SLC24A4: variants seen among roughly 807,000 people sequenced by gnomAD.
SLC24A4 encodes sodium/potassium/calcium exchanger 4.
Under a neutral mutation model 79.0 loss-of-function variants are expected in SLC24A4, and 53 were observed. The observed-to-expected ratio is 0.67, with a 90% confidence interval of 0.54 to 0.84. The LOEUF (loss-of-function observed/expected upper bound fraction) is 0.84, where lower values mean the gene tolerates loss of function less well. SLC24A4 is among the 40% of genes least tolerant of loss of function. The pLI is 0.00. For missense variants in SLC24A4, 731 were observed against 822.0 expected, an observed-to-expected ratio of 0.89 and a Z score of 1.35; for synonymous variants, 323 against 323.8, an observed-to-expected ratio of 1.00 and a Z score of 0.03.
intron 12 of SLC24A4, among the ~76,000 whole-genome samples, chr14:92,465,762 G>A (rs776216365): frequency 2.0e-5 from 3 of 152,064 alleles, no homozygotes; most frequent in Non-Finnish European, 4.4e-5. Flanking sequence ...ACCCCCGAGA[G>A]CTCTCCAGGC....
At chr14:92,418,358 G>A (rs1376471419) in intron 2 of SLC24A4, among the ~76,000 whole-genome samples, 1 of 152,072 alleles carries the variant, frequency 6.6e-6, no homozygotes. Context: ...CCCATCTTGG[G>A]GCAGCTGTGG....
chr14:92,336,040 A>G (rs1056564731), intron 2 of SLC24A4, among the ~76,000 whole-genome samples: 2 of 152,050 alleles, frequency 1.3e-5, no homozygotes, highest in African/African-American at 4.8e-5. Flanking sequence ...TCTGCTTGCC[A>G]TCTCTTCTCT....
intron 12 of SLC24A4, among the ~76,000 whole-genome samples, chr14:92,461,847 T>C (rs1244752441): frequency 6.6e-6 from 1 of 152,124 alleles, no homozygotes; most frequent in African/African-American, 2.4e-5. Context: ...GCTTATTATC[T>C]CCACTTTACA....
chr14:92,376,779 C>A (rs188612439), intron 2 of SLC24A4, among the ~76,000 whole-genome samples: 1 of 152,202 alleles, frequency 6.6e-6, no homozygotes, highest in Non-Finnish European at 1.5e-5. Context: ...AGTCACCTCA[C>A]TGAGAACAAT....
chr14:92,361,835 C>T (rs191040203), intron 2 of SLC24A4, among the ~76,000 whole-genome samples: 1 of 152,148 alleles, frequency 6.6e-6, no homozygotes, highest in African/African-American at 2.4e-5. Flanking sequence ...CTCCATGAAT[C>T]CTCCAGAGAG....
rs1460263828 is a variant in SLC24A4, at chr14:92,355,871, T to C, written c.241+29893T>C. On this transcript the variant is annotated intron_variant, in intron 2 of 16. Coordinates refer to ENST00000532405, the MANE Select transcript of SLC24A4 (RefSeq NM_153646.4). ...GCTCGTGCTCTCCCTTGTTGCTTTC[T>C]GACATCGTGTGTTGATTTGTTTGTG... is the stretch of plus-strand genomic sequence containing the variant. Among the ~76,000 whole-genome samples, 3 of 152,220 alleles carry C rather than the reference T, an allele frequency of 2.0e-5. No homozygotes were observed. The East Asian group carries it at 5.8e-4, about 29-fold the overall frequency.
At chr14:92,359,482 C>T (rs1887374846) in intron 2 of SLC24A4, among the ~76,000 whole-genome samples, 1 of 151,738 alleles carries the variant, frequency 6.6e-6, no homozygotes, top group Non-Finnish European at 1.5e-5. Flanking sequence ...ACCTGTAATC[C>T]CAGCTACTCG....
intron 11 of SLC24A4, among the ~76,000 whole-genome samples, chr14:92,454,710 G>A (rs1200436732): frequency 1.3e-5 from 2 of 152,144 alleles, no homozygotes; most frequent in Non-Finnish European, 2.9e-5. Flanking sequence ...CACATAGATT[G>A]TATGCAAGAA....
intron 2 of SLC24A4, among the ~76,000 whole-genome samples, chr14:92,355,260 C>T (rs760611349): frequency 2.6e-5 from 4 of 151,988 alleles, no homozygotes; most frequent in Non-Finnish European, 4.4e-5. Context: ...GGCCTGTAGA[C>T]GTGGGGACAA....
In SLC24A4 at chr14:92,353,887, C is replaced by T. The variant is rs185326228; in HGVS notation, c.241+27909C>T. Among the ~76,000 whole-genome samples, 340 of 152,320 alleles carry T rather than the reference C, an allele frequency of 2.2e-3. 2 individuals are homozygous for T. The highest frequency in any genetic ancestry group is 3.6e-3 in the Non-Finnish European group (248 of 68,030). ...GCTCCCCTGTCCCAGCTGCCTGTGC[C>T]GCCATCCCAAGTGAGCTTCCCACAC... On this transcript the variant is annotated intron_variant, in intron 2 of 16. Coordinates refer to ENST00000532405, the MANE Select transcript of SLC24A4 (RefSeq NM_153646.4). The surrounding 1 kb of genome is among the most constrained non-coding windows in gnomAD (Gnocchi z 4.1).
intron 13 of SLC24A4, chr14:92,483,731 CAA>C (rs1566802829): frequency 3.3e-5 from 42 of 1,289,656 alleles, no homozygotes; most frequent in Non-Finnish European, 4.2e-5. Context: ...TTCCCAGGAG[CAA>C]AGAGAGGGGA....
rs1165678617 is a variant in SLC24A4, at chr14:92,495,925, AT to A, written c.*2301del. The A allele has an allele frequency of 1.3e-5, 2 of 152,140 alleles. No homozygotes were observed. The allele number at this position is 152,140 out of a possible 1,614,324, so 9.4% of individuals were successfully genotyped here. A position where few individuals can be genotyped will look rare whatever the true frequency, so the allele number is the denominator to read the frequency against. On this transcript the variant is annotated 3_prime_UTR_variant, in exon 17 of 17. Coordinates refer to ENST00000532405, the MANE Select transcript of SLC24A4 (RefSeq NM_153646.4). ...ATATCTGTCCCTATCCAATGCCTCTATTTTATCTTGAAAAAAGGACCAAAAA... is the reference window on the plus strand; with the variant it reads ...ATATCTGTCCCTATCCAATGCCTCTATTTATCTTGAAAAAAGGACCAAAAA...
chr14:92,487,008 G>T (rs1895404504), intron 14 of SLC24A4, among the ~76,000 whole-genome samples: 1 of 152,176 alleles, frequency 6.6e-6, no homozygotes, highest in Non-Finnish European at 1.5e-5. Flanking sequence ...GCTTTTGCTA[G>T]TGTGGTTGTA....
Position 92,486,774 on chromosome 14 carries a change from A to T in SLC24A4, c.1531A>T (p.Arg511Ter), listed in dbSNP as rs1246636260. ...CTGCATGGCCAGCCTAATTGTGGCG[A>T]GACAAGGTATGGATTATGCCCCAGC... ...PDCMASLIVARQGLGDMAVSN... is the reference protein window; with the variant it reads ...PDCMASLIVA The change falls in exon 14 of 17, where the codon AGA becomes TGA. Residue 511 changes from arginine to a stop codon, truncating the protein, a stop_gained. Transcript: ENST00000532405. LOFTEE classifies it high-confidence loss of function. The T allele has an allele frequency of 1.2e-6, 2 of 1,613,294 alleles. No homozygotes were observed. The highest frequency in any genetic ancestry group is 1.7e-5 in the Admixed American group (1 of 60,016).
rs1163927978 is a variant in SLC24A4, at chr14:92,492,330, T to C, written c.1716+90T>C. ...TCACTTACGTGACTCTGTACACCCC[T>C]GTCACTTCCCTTGGTAGTGAAGGAT... is the stretch of plus-strand genomic sequence containing the variant. On this transcript the variant is annotated intron_variant, in intron 16 of 16. Coordinates refer to ENST00000532405, the MANE Select transcript of SLC24A4 (RefSeq NM_153646.4). 6.5e-6 allele frequency: 8 copies of C among 1,227,136 alleles called. No individual in the cohort carries two copies. The East Asian group carries it at 9.4e-5, about 14-fold the overall frequency. The allele number at this position is 1,227,136 out of a possible 1,614,324, so 76.0% of individuals were successfully genotyped here.
Position 92,326,470 on chromosome 14 carries a change from A to G in SLC24A4, c.241+492A>G, listed in dbSNP as rs1040570217. ...CTGTTTCTCTCAAATGGGAGTCGGC[A>G]CGGTGTCATTCAGCCCTGGAGACTG... On this transcript the variant is annotated intron_variant, in intron 2 of 16. Transcript: ENST00000532405. Among the ~76,000 whole-genome samples, 3 of 152,034 alleles carry G rather than the reference A, an allele frequency of 2.0e-5. No individual in the cohort carries two copies. In the South Asian group the frequency reaches 6.2e-4, roughly 32 times the overall value.
chr14:92,394,961 G>C (rs1889683665), intron 2 of SLC24A4, among the ~76,000 whole-genome samples: 1 of 152,190 alleles, frequency 6.6e-6, no homozygotes, highest in African/African-American at 2.4e-5. Context: ...GATGCAGTGA[G>C]ACCCCGGCTG....
At chr14:92,387,157 G>C (rs901784982) in intron 2 of SLC24A4, among the ~76,000 whole-genome samples, 9 of 151,432 alleles carry the variant, frequency 5.9e-5, no homozygotes, top group Non-Finnish European at 1.3e-4. Context: ...GTACAGAGGG[G>C]GTGGCCTGAC....
rs146952483 is a variant in SLC24A4, at chr14:92,456,537, C to T, written c.1184C>T (p.Pro395Leu). The T allele has an allele frequency of 5.6e-5, 91 of 1,613,686 alleles. No homozygotes were observed. In the African/African-American group the frequency reaches 6.5e-4, roughly 12 times the overall value. ...CCTCAGCAGAATCAGGAGCAGCAGCCGCCGCCACAGCCACCACCGCCAGAG... is the reference window on the plus strand; with the variant it reads ...CCTCAGCAGAATCAGGAGCAGCAGCTGCCGCCACAGCCACCACCGCCAGAG... ...EDPQQNQEQQ[P>L]PPQPPPPEPE... Residue 395 changes from proline to leucine, a missense_variant, in exon 12 of 17, where the codon CCG becomes CTG. Pro to Leu is a moderately conservative substitution (Grantham distance 98). Transcript: ENST00000532405.
Sources: allele counts gnomAD v4.1 joint callset (sites outside exome capture counted in the v4.1 genomes callset), GRCh38; gene constraint gnomAD v4.1.1; non-coding constraint Gnocchi (gnomAD v3.1); transcripts MANE v1.5; gene names NCBI Gene and HGNC (gene_info 2026-07-23, HGNC 2026-07-21).